Variants in HDAC4 observed in about 807,000 individuals in gnomAD.
HDAC4 encodes histone deacetylase 4, also known as histone deacetylase A.
Under a neutral mutation model 135.1 loss-of-function variants are expected in HDAC4, and 16 were observed. The observed-to-expected ratio is 0.12, with a 90% CI of 0.08 to 0.18. The LOEUF is 0.18. HDAC4 is among the 10% of genes least tolerant of loss of function. The pLI is 1.00. For synonymous variants in HDAC4, 685 were observed against 653.4 expected, an observed-to-expected ratio of 1.05 and a Z score of -0.74; for missense variants, 1,143 against 1,511.8, an observed-to-expected ratio of 0.76 and a Z score of 4.05.
intron 5 of HDAC4, among the ~76,000 whole-genome samples, chr2:239,165,244 G>A (rs1047639870): frequency 5.3e-5 from 8 of 151,872 alleles, no homozygotes; most frequent in African/African-American, 1.9e-4. Context: ...AAAGAAAAAC[G>A]AAACTTCTCT....
chr2:239,334,216 CA>C (rs1210127519), intron 2 of HDAC4, among the ~76,000 whole-genome samples: 1 of 152,054 alleles, frequency 6.6e-6, no homozygotes, highest in East Asian at 1.9e-4. Context: ...GTAAATCTAA[CA>C]AAAGAAATAA....
intron 8 of HDAC4, among the ~76,000 whole-genome samples, chr2:239,140,107 A>G (rs1575163673): frequency 6.6e-6 from 1 of 152,352 alleles, no homozygotes; most frequent in Non-Finnish European, 1.5e-5. Context: ...GTGACCTAAC[A>G]ACAGAAGACC....
chr2:239,395,389 C>G (rs1450730370), intron 1 of HDAC4, among the ~76,000 whole-genome samples: 1 of 152,216 alleles, frequency 6.6e-6, no homozygotes, highest in Admixed American at 6.5e-5. Context: ...CCCGCTCAGA[C>G]CCCGAGGGTC....
At chr2:239,144,003 G>A (rs1369092599) in intron 8 of HDAC4, among the ~76,000 whole-genome samples, 3 of 152,176 alleles carry the variant, frequency 2.0e-5, no homozygotes, top group South Asian at 2.1e-4. Flanking sequence ...ACCCTCAAGA[G>A]GGGCGGGTGA....
intron 2 of HDAC4, among the ~76,000 whole-genome samples, chr2:239,330,714 CA>C (rs1213022490): frequency 6.6e-6 from 1 of 152,218 alleles, no homozygotes; most frequent in Non-Finnish European, 1.5e-5. Context: ...TGGCCTTCTA[CA>C]GGGAGAAAAA....
intron 2 of HDAC4, among the ~76,000 whole-genome samples, chr2:239,276,704 G>T (rs192028538): frequency 2.0e-5 from 3 of 152,018 alleles, no homozygotes; most frequent in Non-Finnish European, 4.4e-5. Flanking sequence ...GACACTACCC[G>T]CTGTCTGCTG....
intron 17 of HDAC4, among the ~76,000 whole-genome samples, chr2:239,092,058 C>G (rs553390470): frequency 6.6e-5 from 10 of 151,872 alleles, no homozygotes; most frequent in South Asian, 2.1e-4. Context: ...GCGACAGAGC[C>G]AGACTCCGTC....
chr2:239,111,720 G>T lies in HDAC4; in HGVS notation c.1792-8C>A. The T allele has an allele frequency of 6.3e-7, 1 of 1,589,218 alleles. No homozygotes were observed. Among genetic ancestry groups the T allele is most frequent in the Non-Finnish European group, 8.6e-7 (1 of 1,168,422 alleles). The stretch of plus-strand genomic sequence containing the variant: ...CTCCAGCAGGAGGGCTTGCTGCGGG[G>T]AAGAAACGGCCGTGTTGGCGGTTGC... On this transcript the variant is annotated splice_polypyrimidine_tract_variant and splice_region_variant and intron_variant, in intron 13 of 26. Transcript: ENST00000543185.
At position 239,126,464 on chromosome 2, in the gene HDAC4, T is replaced by C; in HGVS notation, c.1525A>G (p.Met509Val). The change falls in exon 12 of 27, where the codon ATG becomes GTG. Residue 509 changes from methionine to valine, a missense_variant. Met to Val is a conservative substitution (Grantham distance 21). This residue lies in a region of HDAC4 where 196 missense variants were observed against 210.7 expected (regional missense o/e 0.93). Coordinates refer to ENST00000543185, the MANE Select transcript of HDAC4 (RefSeq NM_001378414.1). ...TGAGCCGGCAAACCCACCTTGTTCATCTGCAGTTGCTGCTGCTGGAACTGC... is the reference window on the plus strand; with the variant it reads ...TGAGCCGGCAAACCCACCTTGTTCACCTGCAGTTGCTGCTGCTGGAACTGC... ...KQQFQQQQLQMNKIIPKPSEP... is the reference protein window; with the variant it reads ...KQQFQQQQLQVNKIIPKPSEP... The C allele has an allele frequency of 2.5e-6, 4 of 1,613,872 alleles. No homozygotes were observed. The highest frequency in any genetic ancestry group is 3.4e-6 in the Non-Finnish European group (4 of 1,179,984).
At chr2:239,109,219 C>G (rs543640907) in intron 14 of HDAC4, among the ~76,000 whole-genome samples, 1 of 152,340 alleles carries the variant, frequency 6.6e-6, no homozygotes, top group South Asian at 2.1e-4. Flanking sequence ...GCTGGGTGAA[C>G]AGACGCCTTC....
intron 2 of HDAC4, among the ~76,000 whole-genome samples, chr2:239,340,247 C>T (rs972496390): frequency 3.9e-5 from 6 of 152,342 alleles, no homozygotes; most frequent in African/African-American, 1.4e-4. Flanking sequence ...AGCATGGACA[C>T]AGCCCCACCC....
intron 4 of HDAC4, among the ~76,000 whole-genome samples, chr2:239,178,049 C>A (rs2043883293): frequency 1.3e-5 from 2 of 152,228 alleles, no homozygotes; most frequent in African/African-American, 4.8e-5. Context: ...GCTCCGCTCT[C>A]GTTCGCATGC....
Position 239,146,888 on chromosome 2 carries a change from G to A in HDAC4, c.734-2174C>T, listed in dbSNP as rs929847615. 3.9e-5 allele frequency among the ~76,000 whole-genome samples: 6 copies of A among 151,946 alleles called. No homozygotes were observed. Among genetic ancestry groups the A allele is most frequent in the Non-Finnish European group, 8.8e-5 (6 of 68,018 alleles). ...TCACCTGTTTACCCCCTGCCTCCCAGCCTGCACACCTGCCTGGGCTCCCTG... is the reference window on the plus strand; with the variant it reads ...TCACCTGTTTACCCCCTGCCTCCCAACCTGCACACCTGCCTGGGCTCCCTG... On this transcript the variant is annotated intron_variant, in intron 7 of 26. Coordinates refer to ENST00000543185, the MANE Select transcript of HDAC4 (RefSeq NM_001378414.1). The surrounding 1 kb of genome is among the most constrained non-coding windows in gnomAD (Gnocchi z 4.5).
At chr2:239,119,199 G>A (rs1193939886) in intron 12 of HDAC4, among the ~76,000 whole-genome samples, 3 of 152,164 alleles carry the variant, frequency 2.0e-5, no homozygotes, top group East Asian at 1.9e-4. Context: ...TTGAGAGCGG[G>A]GCCCTTATCA....
intron 1 of HDAC4, among the ~76,000 whole-genome samples, chr2:239,371,025 C>T (rs964493034): frequency 6.6e-6 from 1 of 152,206 alleles, no homozygotes; most frequent in African/African-American, 2.4e-5. Flanking sequence ...CACAGCCTGT[C>T]GCCCCCAGAG....
At chr2:239,119,509 G>A (rs901701785) in intron 12 of HDAC4, among the ~76,000 whole-genome samples, 2 of 151,506 alleles carry the variant, frequency 1.3e-5, no homozygotes, top group African/African-American at 2.4e-5. Context: ...CTGAGGGCGC[G>A]GGGACCAGAG....
chr2:239,386,741 C>G (rs745774299), intron 1 of HDAC4, among the ~76,000 whole-genome samples: 4 of 152,212 alleles, frequency 2.6e-5, no homozygotes, highest in African/African-American at 4.8e-5. Context: ...GACACAGTAC[C>G]GAGAACTTCT....
chr2:239,132,772 G>A (rs2040684354), intron 11 of HDAC4, among the ~76,000 whole-genome samples: 1 of 152,252 alleles, frequency 6.6e-6, no homozygotes, highest in Non-Finnish European at 1.5e-5. Context: ...CTGATTTAGA[G>A]AAGGAAAGAA....
At chr2:239,107,117 A>C (rs973002523) in intron 15 of HDAC4, among the ~76,000 whole-genome samples, 5 of 152,200 alleles carry the variant, frequency 3.3e-5, no homozygotes, top group African/African-American at 1.2e-4. Context: ...CCTCGCTATC[A>C]GCAGGGCCTG....
Sources: gnomAD v4.1 joint callset for allele counts (sites outside exome capture counted in the v4.1 genomes callset) on GRCh38, gnomAD v4.1.1 for gene constraint, gnomAD v4.1.1 regional missense constraint, Gnocchi (gnomAD v3.1) non-coding constraint, MANE v1.5 for transcripts, NCBI Gene and HGNC (gene_info 2026-07-23, HGNC 2026-07-21) for gene names.